Variants in DRC8 observed in about 807,000 individuals in gnomAD.
DRC8 encodes the protein dynein regulatory complex protein 8.
the DRC8 span, among the ~76,000 whole-genome samples, chr1:245,096,161 C>T: frequency 5.1e-4 from 78 of 152,334 alleles, no homozygotes; most frequent in African/African-American, 1.3e-3. Flanking sequence ...CAAAGCACAA[C>T]ATGACAGACA....
At chr1:245,102,356 T>TTATC in the DRC8 span, among the ~76,000 whole-genome samples, 1 of 151,704 alleles carries the variant, frequency 6.6e-6, no homozygotes, top group Non-Finnish European at 1.5e-5. Flanking sequence ...ATTTATTTAT[T>TTATC]TATTTATTTT....
the DRC8 span, among the ~76,000 whole-genome samples, chr1:245,080,266 G>A: frequency 3.9e-5 from 6 of 152,112 alleles, no homozygotes; most frequent in Admixed American, 2.6e-4. Context: ...TAGATAGCCC[G>A]ACATGAAAGT....
At chr1:245,062,256 C>G in the DRC8 span, among the ~76,000 whole-genome samples, 3 of 152,186 alleles carry the variant, frequency 2.0e-5, no homozygotes, top group Non-Finnish European at 4.4e-5. Flanking sequence ...AGATCAATTT[C>G]AAATATGGTG....
the DRC8 span, among the ~76,000 whole-genome samples, chr1:245,022,542 A>G: frequency 3.1e-3 from 467 of 152,310 alleles, 2 homozygotes; most frequent in African/African-American, 9.8e-3. Flanking sequence ...TTTTGAATAG[A>G]TGATATATGT....
the DRC8 span, chr1:245,002,072 C>A: frequency 6.8e-7 from 1 of 1,468,798 alleles, no homozygotes; most frequent in Non-Finnish European, 9.3e-7. Flanking sequence ...ACTCATATGA[C>A]AATTTTTATT....
the DRC8 span, among the ~76,000 whole-genome samples, chr1:245,116,825 T>G: frequency 1.3e-5 from 2 of 152,176 alleles, no homozygotes; most frequent in African/African-American, 4.8e-5. Context: ...CTCCTTAGCT[T>G]TTTCTTGTGT....
At chr1:244,990,997 C>A in the DRC8 span, among the ~76,000 whole-genome samples, 1 of 152,058 alleles carries the variant, frequency 6.6e-6, no homozygotes, top group Admixed American at 6.6e-5. Context: ...TACTACAGAT[C>A]CCACAGGTTA....
chr1:245,030,229 A>G, the DRC8 span, among the ~76,000 whole-genome samples: 3,471 of 152,314 alleles, frequency 0.023, 62 homozygotes, highest in Admixed American at 0.032. Context: ...CTGTGGCCCC[A>G]CACTTGTTTG....
At chr1:244,970,182 C>T in the DRC8 span, 3 of 712,594 alleles carry the variant, frequency 4.2e-6, no homozygotes, top group Non-Finnish European at 7.6e-6. Context: ...AGGCCGGGGG[C>T]CGGGTGGCAG....
chr1:245,053,762 G>C, the DRC8 span, among the ~76,000 whole-genome samples: 1 of 152,228 alleles, frequency 6.6e-6, no homozygotes, highest in African/African-American at 2.4e-5. Context: ...ACCCGGGCAG[G>C]TGAGACCATA....
the DRC8 span, among the ~76,000 whole-genome samples, chr1:245,025,200 G>A: frequency 6.6e-6 from 1 of 152,184 alleles, no homozygotes; most frequent in Admixed American, 6.5e-5. Context: ...CCCACAAGGA[G>A]TGCCTCTAAG....
chr1:245,111,677 C>T, the DRC8 span, among the ~76,000 whole-genome samples: 3 of 152,106 alleles, frequency 2.0e-5, no homozygotes, highest in Non-Finnish European at 4.4e-5. Context: ...CCTGAACCCA[C>T]CTAAAGTTTA....
the DRC8 span, among the ~76,000 whole-genome samples, chr1:245,023,421 G>A: frequency 6.6e-6 from 1 of 152,178 alleles, no homozygotes; most frequent in South Asian, 2.1e-4. Context: ...TCATGTGGTA[G>A]TTCTGTGTTT....
chr1:244,995,748 A>G, the DRC8 span, among the ~76,000 whole-genome samples: 2 of 152,104 alleles, frequency 1.3e-5, no homozygotes, highest in Admixed American at 6.6e-5. Context: ...TTTATTTTCT[A>G]CTTTCCATGT....
the DRC8 span, among the ~76,000 whole-genome samples, chr1:245,046,814 C>T: frequency 6.6e-6 from 1 of 152,168 alleles, no homozygotes; most frequent in Non-Finnish European, 1.5e-5. Flanking sequence ...CTTCCCCTAC[C>T]TCATTTGCCC....
At chr1:245,112,785 TC>T in the DRC8 span, among the ~76,000 whole-genome samples, 2 of 150,662 alleles carry the variant, frequency 1.3e-5, no homozygotes, top group Admixed American at 1.3e-4. Flanking sequence ...ATGGAGTCTC[TC>T]TCTGTCACCC....
chr1:245,072,316 T>C, the DRC8 span, among the ~76,000 whole-genome samples: 1 of 152,230 alleles, frequency 6.6e-6, no homozygotes, highest in Admixed American at 6.5e-5. Context: ...AGACAGGGTC[T>C]CACTCTGTCA....
the DRC8 span, among the ~76,000 whole-genome samples, chr1:245,078,976 A>G: frequency 1.3e-5 from 2 of 152,184 alleles, no homozygotes; most frequent in Admixed American, 1.3e-4. Flanking sequence ...CTGGAAAAAA[A>G]TAGAGGAAAC....
the DRC8 span, among the ~76,000 whole-genome samples, chr1:245,059,225 T>G: frequency 6.6e-6 from 1 of 152,262 alleles, no homozygotes; most frequent in Non-Finnish European, 1.5e-5. Context: ...GGTTCACTTA[T>G]CCTCCTTTTT....
Sources: gnomAD v4.1 joint callset for allele counts (sites outside exome capture counted in the v4.1 genomes callset) on GRCh38, gnomAD v4.1.1 for gene constraint, MANE v1.5 for transcripts, NCBI Gene and HGNC (gene_info 2026-07-23, HGNC 2026-07-21) for gene names.